PEX5L: variants seen among roughly 807,000 people sequenced by gnomAD.
PEX5L encodes the protein PEX5-related protein.
Under a neutral mutation model 84.0 loss-of-function variants are expected in PEX5L, and 30 were observed. The ratio of observed to expected loss-of-function variants is 0.36; its 90% CI spans 0.27 to 0.48. The LOEUF is 0.48. Ranked by LOEUF, PEX5L falls within the 20% of genes least tolerant of loss-of-function variation. The pLI, the probability that PEX5L is intolerant of heterozygous loss-of-function variation, is 0.99. For synonymous variants in PEX5L, 270 were observed against 283.1 expected, an observed-to-expected ratio of 0.95 and a Z score of 0.46; for missense variants, 533 against 754.6, an observed-to-expected ratio of 0.71 and a Z score of 3.44.
At chr3:179,954,204 C>CG (rs542442468) in intron 2 of PEX5L, among the ~76,000 whole-genome samples, 1,680 of 89,228 alleles carry the variant, frequency 0.019, 17 homozygotes, top group East Asian at 0.048. Context: ...AACCATTAGT[C>CG]GGGGGGGGGG....
intron 2 of PEX5L, among the ~76,000 whole-genome samples, chr3:179,965,553 G>A (rs113309539): frequency 0.015 from 2,250 of 152,236 alleles, 32 homozygotes; most frequent in Non-Finnish European, 0.023. Flanking sequence ...CCTCTGTGCC[G>A]CTCTATGACA....
intron 1 of PEX5L, among the ~76,000 whole-genome samples, chr3:179,991,669 C>T (rs1413704011): frequency 6.6e-6 from 1 of 152,164 alleles, no homozygotes; most frequent in Non-Finnish European, 1.5e-5. Flanking sequence ...ACCAGCTATT[C>T]ATTCACATGC....
intron 1 of PEX5L, among the ~76,000 whole-genome samples, chr3:179,987,653 C>T (rs1040403381): frequency 6.6e-6 from 1 of 152,160 alleles, no homozygotes; most frequent in African/African-American, 2.4e-5. Flanking sequence ...CCTGACCAAT[C>T]CTCCTACCCC....
At chr3:179,888,028 C>A (rs1756445611) in intron 3 of PEX5L, 2 of 866,550 alleles carry the variant, frequency 2.3e-6, no homozygotes, top group South Asian at 2.9e-5. Context: ...CCTTTCCTCC[C>A]CCCTCCTGAA....
At chr3:179,896,850 G>T (rs1310208677) in intron 3 of PEX5L, among the ~76,000 whole-genome samples, 1 of 152,074 alleles carries the variant, frequency 6.6e-6, no homozygotes, top group Non-Finnish European at 1.5e-5. Flanking sequence ...CTGATTCAGT[G>T]TAAAACTGTA....
chr3:179,950,419 G>A (rs758689976), intron 2 of PEX5L, among the ~76,000 whole-genome samples: 4 of 152,058 alleles, frequency 2.6e-5, no homozygotes, highest in South Asian at 2.1e-4. Context: ...TGTAAATTAC[G>A]AGTTAACGGG....
intron 2 of PEX5L, among the ~76,000 whole-genome samples, chr3:179,914,420 C>T (rs1445563690): frequency 1.3e-5 from 2 of 152,212 alleles, no homozygotes; most frequent in Non-Finnish European, 1.5e-5. Flanking sequence ...GTCATCTTTA[C>T]TTGGTGAATT....
chr3:179,825,227 G>A lies in PEX5L; in HGVS notation c.823-5251C>T, dbSNP rs28551671. Among the ~76,000 whole-genome samples, 557 of 152,312 alleles carry A rather than the reference G, an allele frequency of 3.7e-3. 4 individuals are homozygous for A. Among genetic ancestry groups the A allele is most frequent in the African/African-American group, 0.013 (539 of 41,556 alleles). On this transcript the variant is annotated intron_variant, in intron 8 of 14. Coordinates refer to ENST00000467460, the MANE Select transcript of PEX5L (RefSeq NM_016559.3). ...GCTGAGAGCTGAGCAAACCAGCCCA[G>A]CTTTGTTTTGCAGATGGCAGAACCA...
At chr3:179,899,348 A>T (rs1760484662) in intron 2 of PEX5L, among the ~76,000 whole-genome samples, 1 of 152,192 alleles carries the variant, frequency 6.6e-6, no homozygotes, top group Non-Finnish European at 1.5e-5. Context: ...CTAAGAAAAG[A>T]TATGAATATT....
In PEX5L at chr3:179,848,273, G is replaced by A. The variant is rs9881899; in HGVS notation, c.822+10789C>T. Among the ~76,000 whole-genome samples the A allele has an allele frequency of 3.4e-3, 517 of 152,178 alleles. 7 individuals carry two copies. Among genetic ancestry groups the A allele is most frequent in the African/African-American group, 0.012 (501 of 41,536 alleles). On this transcript the variant is annotated intron_variant, in intron 8 of 14. Coordinates refer to ENST00000467460, the MANE Select transcript of PEX5L (RefSeq NM_016559.3). The stretch of plus-strand genomic sequence containing the variant: ...TTCCTATAGAAGCAAAAATTTGGCT[G>A]GGTGTGGTGGCTCACACCTGCAATC...
At chr3:180,012,557 A>G (rs1025204665) in intron 1 of PEX5L, among the ~76,000 whole-genome samples, 4 of 152,312 alleles carry the variant, frequency 2.6e-5, no homozygotes, top group Admixed American at 2.6e-4. Context: ...CTCAGCAAGG[A>G]GAATTGATGT....
At chr3:179,957,370 G>A (rs562589650) in intron 2 of PEX5L, among the ~76,000 whole-genome samples, 3 of 152,124 alleles carry the variant, frequency 2.0e-5, no homozygotes, top group Non-Finnish European at 4.4e-5. Context: ...AGGAAGGCTG[G>A]GGCGCTGCTT....
At chr3:179,846,459 C>T (rs1414574584) in intron 8 of PEX5L, among the ~76,000 whole-genome samples, 1 of 152,142 alleles carries the variant, frequency 6.6e-6, no homozygotes, top group Non-Finnish European at 1.5e-5. Context: ...TTTTTGCACC[C>T]ATCAACCAAC....
chr3:180,000,934 T>C lies in PEX5L; in HGVS notation c.22-29269A>G, dbSNP rs553654738. On this transcript the variant is annotated intron_variant, in intron 1 of 14. Coordinates refer to ENST00000467460, the MANE Select transcript of PEX5L (RefSeq NM_016559.3). Reference sequence around the variant, plus strand: ...TTGACAAGGGGTGGACTTGTGATGGTTAATATTGAGTATCAACTGGATTGA... The same window carrying C: ...TTGACAAGGGGTGGACTTGTGATGGCTAATATTGAGTATCAACTGGATTGA... 7.2e-5 allele frequency among the ~76,000 whole-genome samples: 11 copies of C among 152,146 alleles called. No individual in the cohort carries two copies. The South Asian group carries it at 2.3e-3, about 32-fold the overall frequency.
chr3:179,844,935 C>T (rs1738747321), intron 8 of PEX5L, among the ~76,000 whole-genome samples: 1 of 152,214 alleles, frequency 6.6e-6, no homozygotes, highest in Non-Finnish European at 1.5e-5. Context: ...AAACACCTTG[C>T]TATCATTACA....
At chr3:179,830,119 A>G (rs1275320467) in intron 8 of PEX5L, among the ~76,000 whole-genome samples, 1 of 151,946 alleles carries the variant, frequency 6.6e-6, no homozygotes, top group Non-Finnish European at 1.5e-5. Flanking sequence ...TCTAAAGCCC[A>G]TATAGATACT....
chr3:179,879,986 C>T lies in PEX5L; in HGVS notation c.448G>A (p.Asp150Asn). The stretch of plus-strand genomic sequence containing the variant: ...AGAGGCTGGCCTCTCTGCTCAGCAT[C>T]CGTGCTGATGAGGTCAGATCCATCG... ...KADGSDLIST[D>N]AEQRGQPLRV... Residue 150 changes from aspartate to asparagine, a missense_variant, in exon 5 of 15, where the codon GAT becomes AAT. Around this residue, in one of 8 missense-constraint regions of PEX5L, gnomAD observed 259 missense variants for 301.7 expected, o/e 0.86. Transcript: ENST00000467460. 1.2e-6 allele frequency: 2 copies of T among 1,612,870 alleles called. No homozygotes were observed. Among genetic ancestry groups the T allele is most frequent in the Non-Finnish European group, 1.7e-6 (2 of 1,179,456 alleles).
chr3:179,872,064 T>C (rs1370034703), intron 7 of PEX5L, among the ~76,000 whole-genome samples: 2 of 152,152 alleles, frequency 1.3e-5, no homozygotes, highest in East Asian at 1.9e-4. Context: ...TTTGTGTTTT[T>C]TGTAGAGACA....
At chr3:179,915,109 A>G (rs1418263584) in intron 2 of PEX5L, among the ~76,000 whole-genome samples, 1 of 152,228 alleles carries the variant, frequency 6.6e-6, no homozygotes, top group African/African-American at 2.4e-5. Context: ...ATTCCTTTGT[A>G]TGCTTTGCTC....
Sources: gnomAD v4.1 joint callset for allele counts (sites outside exome capture counted in the v4.1 genomes callset) on GRCh38, gnomAD v4.1.1 for gene constraint, gnomAD v4.1.1 regional missense constraint, MANE v1.5 for transcripts, NCBI Gene and HGNC (gene_info 2026-07-23, HGNC 2026-07-21) for gene names.